ASIP: variants seen among roughly 807,000 people sequenced by gnomAD.
The protein encoded by ASIP is agouti signaling protein, also known as agouti-signaling protein.
A neutral mutation model predicts 10.3 loss-of-function variants in ASIP; 11 were observed. That is an observed-to-expected ratio of 1.07 (90% confidence interval 0.68 to 1.78). ASIP has a LOEUF of 1.78. Ranked by LOEUF, ASIP falls within the 40% of genes most tolerant of loss-of-function variation. The pLI, the probability that ASIP is intolerant of heterozygous loss-of-function variation, is 0.00. For synonymous variants in ASIP, 70 were observed against 70.8 expected, an observed-to-expected ratio of 0.99 and a Z score of 0.06; for missense variants, 180 against 169.2, an observed-to-expected ratio of 1.06 and a Z score of -0.35.
chr20:34,263,675 CT>C lies in ASIP; in HGVS notation c.222+791del, dbSNP rs575423408. On this transcript the variant is annotated intron_variant, in intron 3 of 3. Transcript: ENST00000374954. ...TTATTTTATGTCTTTTTTTTTTTTTCTTTTTTTTTGAGATGGAGTTTTCGCT... is the reference window on the plus strand; with the variant it reads ...TTATTTTATGTCTTTTTTTTTTTTTCTTTTTTTTGAGATGGAGTTTTCGCT... Among the ~76,000 whole-genome samples, 631 of 126,372 alleles carry C rather than the reference CT, an allele frequency of 5.0e-3. 6 individuals carry two copies. Among genetic ancestry groups the C allele is most frequent in the African/African-American group, 0.016 (594 of 36,478 alleles). 82.9% of individuals were successfully genotyped at this position (126,372 alleles called of 152,430 possible). A position where few individuals can be genotyped will look rare whatever the true frequency, so the allele number is the denominator to read the frequency against.
At chr20:34,219,959 G>A (rs2035034339) in intron 1 of ASIP, among the ~76,000 whole-genome samples, 1 of 152,178 alleles carries the variant, frequency 6.6e-6, no homozygotes, top group Admixed American at 6.5e-5. Context: ...GCGTGGTGGT[G>A]GGTGCCTGTA....
Position 34,241,469 on chromosome 20 carries a change from G to A in ASIP, c.-31G>A. 1 of 985,442 alleles carries A rather than the reference G, an allele frequency of 1.0e-6. No individual in the cohort carries two copies. Among genetic ancestry groups the A allele is most frequent in the East Asian group, 1.1e-4 (1 of 8,818 alleles). 61.0% of individuals were successfully genotyped at this position (985,442 alleles called of 1,614,324 possible). A position where few individuals can be genotyped will look rare whatever the true frequency, so the allele number is the denominator to read the frequency against. ...GGTGAAAAAGGAAGTTCCTTGGCCT[G>A]GGCTCTTTGCGGGAAAGCATGTGAG... On this transcript the variant is annotated 5_prime_UTR_variant, in exon 1 of 4. Coordinates refer to ENST00000374954, the MANE Select transcript of ASIP (RefSeq NM_001672.3).
intron 1 of ASIP, among the ~76,000 whole-genome samples, chr20:34,209,220 C>T (rs2034956976): frequency 6.6e-6 from 1 of 152,180 alleles, no homozygotes; most frequent in African/African-American, 2.4e-5. Context: ...TGGGAGCCGG[C>T]AACAAGTGGG....
intron 1 of ASIP, among the ~76,000 whole-genome samples, chr20:34,209,475 G>A (rs2034958931): frequency 1.3e-5 from 2 of 152,218 alleles, no homozygotes; most frequent in South Asian, 4.1e-4. Flanking sequence ...AGTCACAGCT[G>A]CAGAGCCAGG....
intron 1 of ASIP, among the ~76,000 whole-genome samples, chr20:34,242,919 G>A (rs1026736460): frequency 6.6e-6 from 1 of 152,260 alleles, no homozygotes; most frequent in Non-Finnish European, 1.5e-5. Context: ...AGAAAAGGCA[G>A]AGAAGTGATT....
chr20:34,266,269 G>A (rs2035783607), intron 3 of ASIP, among the ~76,000 whole-genome samples: 1 of 150,526 alleles, frequency 6.6e-6, no homozygotes, highest in Non-Finnish European at 1.5e-5. Flanking sequence ...GGAGAATGGC[G>A]TGAACCCGGG....
Position 34,258,683 on chromosome 20 carries a change from ATATATATACATAC to A in ASIP, c.-10-1673_-10-1661del, listed in dbSNP as rs1464642239. 1.4e-4 allele frequency among the ~76,000 whole-genome samples: 10 copies of A among 71,980 alleles called. 2 individuals carry two copies. The highest frequency in any genetic ancestry group is 8.8e-4 in the African/African-American group (9 of 10,254). The allele number at this position is 71,980 out of a possible 152,430, so 47.2% of individuals were successfully genotyped here. A position where few individuals can be genotyped will look rare whatever the true frequency, so the allele number is the denominator to read the frequency against. On this transcript the variant is annotated intron_variant, in intron 1 of 3. Transcript: ENST00000374954. ...CTTAGAAGGGGGATGCCATATATAT[ATATATATACATAC>A]TATATATATATATTATATATATTAT...
intron 1 of ASIP, among the ~76,000 whole-genome samples, chr20:34,222,818 C>T (rs1440311982): frequency 6.6e-6 from 1 of 152,026 alleles, no homozygotes; most frequent in South Asian, 2.1e-4. Context: ...TTGGTGGAGA[C>T]GGGGTTTCGC....
chr20:34,246,635 T>C, intron 1 of ASIP: 1 of 591,490 alleles, frequency 1.7e-6, no homozygotes, highest in Non-Finnish European at 3.1e-6. Context: ...TTTTTGTATT[T>C]TTGGTAGAGA....
intron 1 of ASIP, among the ~76,000 whole-genome samples, chr20:34,258,072 A>T (rs1230651047): frequency 6.6e-6 from 1 of 152,000 alleles, no homozygotes; most frequent in South Asian, 2.1e-4. Flanking sequence ...TGAATCCGGG[A>T]GGCAGAGGTT....
chr20:34,262,417 AAC>A (rs1305831056), intron 2 of ASIP, among the ~76,000 whole-genome samples: 1 of 152,178 alleles, frequency 6.6e-6, no homozygotes. Flanking sequence ...GAAAATAGGA[AAC>A]ACAGGTGCAT....
intron 1 of ASIP, chr20:34,215,764 G>C (rs1379610541): frequency 6.5e-7 from 1 of 1,528,518 alleles, no homozygotes; most frequent in Admixed American, 1.7e-5. Flanking sequence ...ATGTCCTCTG[G>C]GCTAGAGCTT....
At chr20:34,212,761 C>T (rs1458036753) in intron 1 of ASIP, among the ~76,000 whole-genome samples, 1 of 152,050 alleles carries the variant, frequency 6.6e-6, no homozygotes, top group Admixed American at 6.6e-5. Flanking sequence ...TCCCACCTGC[C>T]CTTGTTAATT....
At chr20:34,268,733 A>G (rs910800418) in intron 3 of ASIP, among the ~76,000 whole-genome samples, 21 of 145,844 alleles carry the variant, frequency 1.4e-4, no homozygotes, top group African/African-American at 5.3e-4. Context: ...AACCCTGTCT[A>G]AAAAAAAAAC....
intron 1 of ASIP, among the ~76,000 whole-genome samples, chr20:34,236,230 G>A (rs747017942): frequency 6.6e-6 from 1 of 151,904 alleles, no homozygotes; most frequent in African/African-American, 2.4e-5. Flanking sequence ...GCTCTAGGTG[G>A]TTTAAATGAT....
At chr20:34,246,752 C>T (rs933160262) in intron 1 of ASIP, among the ~76,000 whole-genome samples, 16 of 152,308 alleles carry the variant, frequency 1.1e-4, no homozygotes, top group Middle Eastern at 3.4e-3. Flanking sequence ...GCCCCTGTGC[C>T]GGGCCTTCAT....
intron 1 of ASIP, among the ~76,000 whole-genome samples, chr20:34,217,621 G>A (rs1490240747): frequency 1.3e-5 from 2 of 151,816 alleles, no homozygotes; most frequent in Non-Finnish European, 1.5e-5. Context: ...GAGTGCAGTG[G>A]CGCGATCTCG....
intron 3 of ASIP, 116 bp downstream of exon 3, chr20:34,263,009 A>G: frequency 8.4e-7 from 1 of 1,186,852 alleles, no homozygotes; most frequent in South Asian, 1.5e-5. Context: ...GCCTATATTA[A>G]CAAAAGAAAC....
intron 1 of ASIP, among the ~76,000 whole-genome samples, chr20:34,195,689 G>A (rs1390476539): frequency 1.1e-4 from 17 of 152,166 alleles, no homozygotes; most frequent in Admixed American, 9.2e-4. Flanking sequence ...TGGCAGGTTG[G>A]GGCTTTGAAA....
Sources: gnomAD v4.1 joint callset for allele counts (sites outside exome capture counted in the v4.1 genomes callset) on GRCh38, gnomAD v4.1.1 for gene constraint, MANE v1.5 for transcripts, NCBI Gene and HGNC (gene_info 2026-07-23, HGNC 2026-07-21) for gene names.